The following SLC25A21 variants were observed in gnomAD, a reference collection of about 807,000 sequenced individuals.
SLC25A21 encodes solute carrier family 25 member 21, also known as mitochondrial 2-oxodicarboxylate carrier.
In SLC25A21, 47 loss-of-function variants were observed where a neutral mutation model predicts 43.8. The observed-to-expected ratio is 1.07, with a 90% CI of 0.85 to 1.37. SLC25A21 has a LOEUF of 1.37. Ranked by LOEUF, SLC25A21 falls within the 40% of genes most tolerant of loss-of-function variation. The pLI is 0.00. For missense variants in SLC25A21, 352 were observed against 350.2 expected (o/e 1.00, Z -0.04); for synonymous variants, 131 against 121.3 (o/e 1.08, Z -0.52).
intron 1 of SLC25A21, among the ~76,000 whole-genome samples, chr14:36,940,531 T>C (rs1892530412): frequency 6.6e-6 from 1 of 152,124 alleles, no homozygotes. Context: ...GGATGTTCAA[T>C]GCACTTTCCT....
At chr14:36,753,709 A>G (rs917064201) in intron 3 of SLC25A21, among the ~76,000 whole-genome samples, 5 of 152,198 alleles carry the variant, frequency 3.3e-5, no homozygotes, top group Non-Finnish European at 5.9e-5. Context: ...CCAGAAGCAA[A>G]GCCAATATTT....
At chr14:36,794,320 TATTTA>T (rs1390263684) in intron 3 of SLC25A21, among the ~76,000 whole-genome samples, 1 of 144,578 alleles carries the variant, frequency 6.9e-6, no homozygotes, top group African/African-American at 2.6e-5. Context: ...ACTCTCACTT[TATTTA>T]AAGTTTTAAT....
intron 1 of SLC25A21, among the ~76,000 whole-genome samples, chr14:36,913,577 G>A (rs1197523598): frequency 2.6e-5 from 4 of 152,146 alleles, no homozygotes; most frequent in African/African-American, 9.6e-5. Context: ...CACCAGGCAT[G>A]TTTGGAAGGA....
intron 1 of SLC25A21, among the ~76,000 whole-genome samples, chr14:37,084,053 G>A (rs907521182): frequency 6.6e-6 from 1 of 152,154 alleles, no homozygotes; most frequent in African/African-American, 2.4e-5. Flanking sequence ...TAAGCCTGCT[G>A]TCACGATGTA....
intron 1 of SLC25A21, among the ~76,000 whole-genome samples, chr14:37,008,847 A>G (rs1960667292): frequency 6.6e-6 from 1 of 152,214 alleles, no homozygotes; most frequent in African/African-American, 2.4e-5. Context: ...TTTTGTATCA[A>G]AAGACTACGA....
intron 7 of SLC25A21, among the ~76,000 whole-genome samples, chr14:36,689,242 C>G (rs984014570): frequency 1.3e-5 from 2 of 152,192 alleles, no homozygotes; most frequent in East Asian, 3.9e-4. Flanking sequence ...TTCATGAAAC[C>G]CATTCACTAT....
intron 3 of SLC25A21, among the ~76,000 whole-genome samples, chr14:36,762,430 A>G (rs954763029): frequency 7.9e-5 from 12 of 152,312 alleles, no homozygotes; most frequent in South Asian, 4.2e-4. Context: ...CCAGGCCCCT[A>G]TGGAAACTGG....
chr14:36,829,504 T>A (rs1888957030), intron 2 of SLC25A21, among the ~76,000 whole-genome samples: 1 of 152,190 alleles, frequency 6.6e-6, no homozygotes, highest in African/African-American at 2.4e-5. Flanking sequence ...GAGTGACAGC[T>A]CTAACTCCTG....
chr14:37,066,240 C>T (rs1454302670), intron 1 of SLC25A21, among the ~76,000 whole-genome samples: 2 of 152,050 alleles, frequency 1.3e-5, no homozygotes, highest in Non-Finnish European at 2.9e-5. Flanking sequence ...TCACACAAAC[C>T]CCCTATTAGG....
rs1054251628 is a variant in SLC25A21, at chr14:36,895,437, CTTT to C, written c.71-20436_71-20434del. On this transcript the variant is annotated intron_variant, in intron 1 of 9. Transcript: ENST00000331299. Reference sequence around the variant, plus strand: ...CTATTTGATTCTTCTCTCTTTTCTTCTTTATTAGTCTTGCTAGCAGTCTATCAA... The same window carrying C: ...CTATTTGATTCTTCTCTCTTTTCTTCATTAGTCTTGCTAGCAGTCTATCAA... 1.3e-3 allele frequency among the ~76,000 whole-genome samples: 197 copies of C among 152,218 alleles called. 1 individual carries two copies. Among genetic ancestry groups the C allele is most frequent in the African/African-American group, 4.6e-3 (189 of 41,526 alleles).
At chr14:36,972,261 TATG>T (rs902151802) in intron 1 of SLC25A21, among the ~76,000 whole-genome samples, 10 of 152,214 alleles carry the variant, frequency 6.6e-5, no homozygotes, top group African/African-American at 2.4e-4. Context: ...AAGTACCCTC[TATG>T]ATGTGTGTAT....
intron 2 of SLC25A21, among the ~76,000 whole-genome samples, chr14:36,872,582 C>T (rs1890405741): frequency 6.6e-6 from 1 of 152,126 alleles, no homozygotes; most frequent in African/African-American, 2.4e-5. Flanking sequence ...ATACTTGTGG[C>T]TTTCAGTTTA....
At chr14:37,130,098 A>AAC (rs1555348968) in intron 1 of SLC25A21, among the ~76,000 whole-genome samples, 26 of 151,164 alleles carry the variant, frequency 1.7e-4, no homozygotes, top group African/African-American at 6.1e-4. Flanking sequence ...AAAAAAAAAA[A>AAC]AAAAACAACT....
At chr14:36,785,582 C>T (rs189491861) in intron 3 of SLC25A21, among the ~76,000 whole-genome samples, 2 of 152,296 alleles carry the variant, frequency 1.3e-5, no homozygotes, top group Admixed American at 1.3e-4. Context: ...TGATCATTGT[C>T]ATGTGGTTTA....
chr14:37,160,909 AAC>A (rs1017070449), intron 1 of SLC25A21, among the ~76,000 whole-genome samples: 1 of 147,794 alleles, frequency 6.8e-6, no homozygotes, highest in African/African-American at 2.5e-5. Context: ...CAGCCTGGGC[AAC>A]AGAGTGAGAT....
intron 2 of SLC25A21, among the ~76,000 whole-genome samples, chr14:36,849,129 T>G (rs890446780): frequency 1.3e-5 from 2 of 152,218 alleles, no homozygotes; most frequent in Admixed American, 1.3e-4. Context: ...TGATATCTTA[T>G]GGCATGTGAT....
chr14:36,800,495 AT>A (rs1365077819), intron 3 of SLC25A21, among the ~76,000 whole-genome samples: 9 of 152,306 alleles, frequency 5.9e-5, no homozygotes, highest in African/African-American at 2.2e-4. Flanking sequence ...AAGAACAAAT[AT>A]TGTATGATTC....
intron 1 of SLC25A21, among the ~76,000 whole-genome samples, chr14:36,974,557 T>C (rs1959825166): frequency 6.6e-6 from 1 of 152,194 alleles, no homozygotes; most frequent in Non-Finnish European, 1.5e-5. Context: ...CCCTAGAAAA[T>C]TGGGCCATTT....
chr14:36,711,263 G>C, intron 7 of SLC25A21, 55 bp downstream of exon 7: 1 of 1,496,256 alleles, frequency 6.7e-7, no homozygotes, highest in Non-Finnish European at 9.3e-7. Context: ...TACAAACGGA[G>C]CTATCATCAC....
Sources: allele counts gnomAD v4.1 joint callset (sites outside exome capture counted in the v4.1 genomes callset), GRCh38; gene constraint gnomAD v4.1.1; transcripts MANE v1.5; gene names NCBI Gene and HGNC (gene_info 2026-07-23, HGNC 2026-07-21).